The following GTF2H1 variants were observed in gnomAD, a reference collection of about 807,000 sequenced individuals.
The protein encoded by GTF2H1 is BTF2 p62.
A neutral mutation model predicts 71.2 loss-of-function variants in GTF2H1; 16 were observed. The observed-to-expected ratio is 0.22, with a 90% confidence interval of 0.15 to 0.34. GTF2H1 has a LOEUF of 0.34. Among genes scored for constraint, GTF2H1 ranks in the 10% least tolerant of loss-of-function variants. GTF2H1 has a pLI of 1.00. For missense variants in GTF2H1, 498 were observed against 648.2 expected (o/e 0.77, Z 2.52); for synonymous variants, 215 against 219.0 (o/e 0.98, Z 0.16).
intron 5 of GTF2H1, 50 bp downstream of exon 5, chr11:18,339,707 A>T (rs575690577): frequency 1.9e-6 from 2 of 1,069,838 alleles, no homozygotes; most frequent in Non-Finnish European, 2.8e-6. Flanking sequence ...GATATATTCT[A>T]TAGTATATCA....
intron 7 of GTF2H1, among the ~76,000 whole-genome samples, chr11:18,343,793 A>G (rs915468216): frequency 6.6e-6 from 1 of 152,044 alleles, no homozygotes; most frequent in East Asian, 1.9e-4. Context: ...AAGCATTACA[A>G]TTTGCTCAAG....
chr11:18,346,523 TAATC>T (rs1441911582), intron 7 of GTF2H1, among the ~76,000 whole-genome samples: 2 of 152,164 alleles, frequency 1.3e-5, no homozygotes, highest in Non-Finnish European at 2.9e-5. Context: ...CATGGGGTCT[TAATC>T]AATTTTGTAT....
intron 1 of GTF2H1, among the ~76,000 whole-genome samples, chr11:18,329,279 T>C (rs1270801035): frequency 6.6e-6 from 1 of 152,240 alleles, no homozygotes; most frequent in Non-Finnish European, 1.5e-5. Flanking sequence ...TCCACCTGCA[T>C]GACTCAGCAG....
chr11:18,366,035 A>G lies in GTF2H1; in HGVS notation c.*166A>G, dbSNP rs112746456. The G allele has an allele frequency of 2.2e-4, 132 of 596,490 alleles. No individual in the cohort carries two copies. The African/African-American group carries it at 2.3e-3, about 10-fold the overall frequency. The allele number at this position is 596,490 out of a possible 1,614,324, so 36.9% of individuals were successfully genotyped here. A position where few individuals can be genotyped will look rare whatever the true frequency, so the allele number is the denominator to read the frequency against. On this transcript the variant is annotated 3_prime_UTR_variant, in exon 15 of 15. Transcript: ENST00000265963. ...ATGCTATTGTACTTGCACATTGGAG[A>G]CTGAAAGGAAAGAAGGGACTAAATG...
At chr11:18,334,516 C>T (rs1053380952) in intron 2 of GTF2H1, among the ~76,000 whole-genome samples, 5 of 152,184 alleles carry the variant, frequency 3.3e-5, no homozygotes, top group Non-Finnish European at 5.9e-5. Context: ...AGCCCCATAG[C>T]TTTGTGTAAT....
intron 4 of GTF2H1, 29 bp downstream of exon 4, chr11:18,338,303 A>G (rs763838148): frequency 1.3e-6 from 2 of 1,524,364 alleles, no homozygotes; most frequent in Admixed American, 3.4e-5. Flanking sequence ...TTTCTGAAGA[A>G]AATAAAAATT....
chr11:18,334,320 C>T (rs1000432948), intron 2 of GTF2H1, among the ~76,000 whole-genome samples: 1 of 152,178 alleles, frequency 6.6e-6, no homozygotes, highest in Admixed American at 6.5e-5. Context: ...GCGGAGCTTG[C>T]AGTGAGCCAA....
At chr11:18,324,623 C>T (rs766063911) in intron 1 of GTF2H1, among the ~76,000 whole-genome samples, 12 of 152,172 alleles carry the variant, frequency 7.9e-5, no homozygotes, top group Non-Finnish European at 1.5e-4. Context: ...AGCATTTTGG[C>T]CACCATTTAT....
Position 18,338,383 on chromosome 11 carries a change from A to C in GTF2H1, c.513+109A>C, listed in dbSNP as rs551325735. 4.3e-5 allele frequency: 30 copies of C among 691,088 alleles called. No individual in the cohort carries two copies. In the South Asian group the frequency reaches 5.1e-4, roughly 12 times the overall value. The allele number at this position is 691,088 out of a possible 1,614,324, so 42.8% of individuals were successfully genotyped here. On this transcript the variant is annotated intron_variant, in intron 4 of 14. Coordinates refer to ENST00000265963, the MANE Select transcript of GTF2H1 (RefSeq NM_005316.4). ...CTTAGCATTTCCTTAAAGGAAAGTA[A>C]TGGAAAATTGAGTATCCATGGTATT...
At chr11:18,326,247 C>CGTG (rs1864761732) in intron 1 of GTF2H1, 1 of 152,180 alleles carries the variant, frequency 6.6e-6, no homozygotes, top group Non-Finnish European at 1.5e-5. Context: ...TATGGCTGGG[C>CGTG]GTGGTGGCTC....
Position 18,366,151 on chromosome 11 carries a change from A to C in GTF2H1, c.*282A>C, listed in dbSNP as rs1385999558. On this transcript the variant is annotated 3_prime_UTR_variant, in exon 15 of 15. Transcript: ENST00000265963. ...CACATATATGTACATGTGTATGTACATATATATTTTAAAAGACTGTTTACT... is the reference window on the plus strand; with the variant it reads ...CACATATATGTACATGTGTATGTACCTATATATTTTAAAAGACTGTTTACT... The C allele has an allele frequency of 2.4e-5, 8 of 333,988 alleles. No homozygotes were observed. The highest frequency in any genetic ancestry group is 3.8e-5 in the Non-Finnish European group (7 of 184,640). 20.7% of individuals were successfully genotyped at this position (333,988 alleles called of 1,614,324 possible).
intron 9 of GTF2H1, 76 bp downstream of exon 9, chr11:18,347,995 C>T (rs184353678): frequency 6.6e-5 from 60 of 912,552 alleles, no homozygotes; most frequent in Non-Finnish European, 1.0e-4. Context: ...GTACTGTATA[C>T]GCTTATTTCC....
chr11:18,344,125 A>G (rs1277283395), intron 7 of GTF2H1, among the ~76,000 whole-genome samples: 1 of 152,044 alleles, frequency 6.6e-6, no homozygotes, highest in African/African-American at 2.4e-5. Context: ...GCAGCCAGCC[A>G]TGTTTTCCTC....
chr11:18,348,181 C>T (rs996205737), intron 9 of GTF2H1: 3 of 483,526 alleles, frequency 6.2e-6, no homozygotes, highest in Non-Finnish European at 7.3e-6. Context: ...TGTACACATA[C>T]ATACAGATTG....
At position 18,335,923 on chromosome 11, in the gene GTF2H1, T is replaced by C; in HGVS notation, c.324T>C (p.Asn108=). Residue 108 remains asparagine, a synonymous_variant, in exon 3 of 15, where the codon AAT becomes AAC. Coordinates refer to ENST00000265963, the MANE Select transcript of GTF2H1 (RefSeq NM_005316.4). ...QLLPKFKRKA[N]KELEEKNRML... The stretch of plus-strand genomic sequence containing the variant: ...TGCCCAAATTCAAGAGGAAAGCAAA[T>C]AAAGAACTGGAAGAGAAGAACAGGT... The C allele has an allele frequency of 6.2e-7, 1 of 1,613,932 alleles. No individual in the cohort carries two copies. The highest frequency in any genetic ancestry group is 2.2e-5 in the East Asian group (1 of 44,878).
intron 4 of GTF2H1, among the ~76,000 whole-genome samples, chr11:18,338,487 A>T (rs148141446): frequency 2.1e-4 from 32 of 152,156 alleles, no homozygotes; most frequent in Non-Finnish European, 1.9e-4. Context: ...TCTGTCACCC[A>T]GACTGGAGTG....
intron 11 of GTF2H1, 60 bp from the exon 12 acceptor site, chr11:18,357,888 AAGAG>A (rs1167381047): frequency 1.1e-6 from 1 of 909,258 alleles, no homozygotes; most frequent in East Asian, 2.5e-5. Flanking sequence ...AATGTTAAGA[AAGAG>A]AGGTGGCAAA....
At chr11:18,338,383 A>G (rs551325735) in intron 4 of GTF2H1, 109 bp downstream of exon 4, 8 of 690,970 alleles carry the variant, frequency 1.2e-5, no homozygotes, top group Admixed American at 7.9e-5. Flanking sequence ...AAGGAAAGTA[A>G]TGGAAAATTG....
chr11:18,331,717 T>A (rs1306574050), intron 1 of GTF2H1, among the ~76,000 whole-genome samples: 1 of 151,748 alleles, frequency 6.6e-6, no homozygotes, highest in Non-Finnish European at 1.5e-5. Context: ...TTTTTTTTTG[T>A]AACTTTATTA....
Sources: gnomAD v4.1 joint callset for allele counts (sites outside exome capture counted in the v4.1 genomes callset) on GRCh38, gnomAD v4.1.1 for gene constraint, MANE v1.5 for transcripts, NCBI Gene and HGNC (gene_info 2026-07-23, HGNC 2026-07-21) for gene names.